PPWD1: variants seen among roughly 807,000 people sequenced by gnomAD.
The protein encoded by PPWD1 is peptidylprolyl isomerase domain and WD repeat containing 1.
Under a neutral mutation model 68.8 loss-of-function variants are expected in PPWD1, and 43 were observed. The observed-to-expected ratio is 0.62, with a 90% CI of 0.49 to 0.81. The LOEUF (loss-of-function observed/expected upper bound fraction) is 0.81, where lower values mean the gene tolerates loss of function less well. Among genes scored for constraint, PPWD1 ranks in the 30% least tolerant of loss-of-function variants. The pLI is 0.00. For missense variants in PPWD1, 672 were observed against 804.8 expected, an observed-to-expected ratio of 0.83 and a Z score of 2.00; for synonymous variants, 232 against 258.7, an observed-to-expected ratio of 0.90 and a Z score of 0.99.
At chr5:65,572,345 C>G (rs1753057039) in intron 5 of PPWD1, 59 bp downstream of exon 5, 1 of 1,434,500 alleles carries the variant, frequency 7.0e-7, no homozygotes, top group South Asian at 1.4e-5. Context: ...TATTTTATGC[C>G]TTTTCTTGAA....
chr5:65,583,205 A>T lies in PPWD1; in HGVS notation c.1518A>T (p.Lys506Asn). ...IHTSMGDIHTKLFPVECPKTV... is the reference protein window; with the variant it reads ...IHTSMGDIHTNLFPVECPKTV... Reference sequence around the variant, plus strand: ...CCAGCATGGGAGACATTCACACCAAACTTTTTCCTGTTGAGTATGTATAAC... The same window carrying T: ...CCAGCATGGGAGACATTCACACCAATCTTTTTCCTGTTGAGTATGTATAAC... The change falls in exon 8 of 11, where the codon AAA becomes AAT. Residue 506 changes from lysine to asparagine, a missense_variant. Coordinates refer to ENST00000261308, the MANE Select transcript of PPWD1 (RefSeq NM_015342.4). 2 of 1,586,970 alleles carry T rather than the reference A, an allele frequency of 1.3e-6. No homozygotes were observed. The highest frequency in any genetic ancestry group is 1.7e-6 in the Non-Finnish European group (2 of 1,168,808).
chr5:65,564,275 C>T (rs261251), intron 1 of PPWD1, among the ~76,000 whole-genome samples: 94,820 of 150,952 alleles, frequency 0.63, 30,035 homozygotes, highest in South Asian at 0.65. Context: ...ACTTTAGCAC[C>T]TTCCCTTAAA....
rs1413736065 is a variant in PPWD1, at chr5:65,569,747, T to G, written c.400+15T>G. ...TAGTCACCTGGGTAAGAATTGCACC[T>G]CATTTTCTTGTAGCTCTTTCCTAAA... On this transcript the variant is annotated intron_variant, in intron 3 of 10. Transcript: ENST00000261308. 8.1e-6 allele frequency: 13 copies of G among 1,601,822 alleles called. No homozygotes were observed. The highest frequency in any genetic ancestry group is 1.0e-5 in the Non-Finnish European group (12 of 1,174,060).
intron 1 of PPWD1, among the ~76,000 whole-genome samples, chr5:65,565,700 C>T (rs574384219): frequency 6.6e-6 from 1 of 150,516 alleles, no homozygotes; most frequent in African/African-American, 2.4e-5. Flanking sequence ...CTCAGCTATT[C>T]AGGAGGCTGA....
intron 5 of PPWD1, among the ~76,000 whole-genome samples, chr5:65,574,552 T>C (rs977664226): frequency 1.4e-5 from 2 of 147,204 alleles, no homozygotes; most frequent in Non-Finnish European, 3.0e-5. Context: ...CAAGCTCCGC[T>C]TCCCGGGTTC....
intron 9 of PPWD1, 130 bp from the exon 10 acceptor site, chr5:65,585,869 T>C: frequency 7.2e-7 from 1 of 1,392,036 alleles, no homozygotes. Flanking sequence ...GTGTTAAGGG[T>C]TTAATCAAAT....
chr5:65,572,016 A>G lies in PPWD1; in HGVS notation c.699A>G (p.Pro233=), dbSNP rs750602426. ...CTCTTACTCAGATACGGCTAAACCC[A>G]GTTTACAAAGCAGTAGTGTCTTCTG... ...TSPLTQIRLN[P]VYKAVVSSDK... The change falls in exon 5 of 11, where the codon CCA becomes CCG. Residue 233 remains proline (P), a synonymous_variant. Coordinates refer to ENST00000261308, the MANE Select transcript of PPWD1 (RefSeq NM_015342.4). The G allele has an allele frequency of 1.2e-6, 2 of 1,614,108 alleles. No individual in the cohort carries two copies. Among genetic ancestry groups the G allele is most frequent in the Admixed American group, 3.3e-5 (2 of 60,014 alleles).
At chr5:65,585,233 A>G (rs745362810) in intron 9 of PPWD1, 138 bp downstream of exon 9, 33 of 799,262 alleles carry the variant, frequency 4.1e-5, no homozygotes, top group South Asian at 5.8e-5. Flanking sequence ...ATGGAAGCCA[A>G]AGGAGGAGTG....
rs987551240 is a variant in PPWD1, at chr5:65,587,542, A to T, written c.*146A>T. ...TATTTTTTATTAAAGGCTATTTTTT[A>T]AAAATTACCTTTGACTTTTCTCGCA... On this transcript the variant is annotated 3_prime_UTR_variant, in exon 11 of 11. Coordinates refer to ENST00000261308, the MANE Select transcript of PPWD1 (RefSeq NM_015342.4). 2.9e-6 allele frequency: 2 copies of T among 682,634 alleles called. No homozygotes were observed. 42.3% of individuals were successfully genotyped at this position (682,634 alleles called of 1,614,324 possible). A position where few individuals can be genotyped will look rare whatever the true frequency, so the allele number is the denominator to read the frequency against.
chr5:65,582,023 T>C (rs1753619997), intron 7 of PPWD1, among the ~76,000 whole-genome samples: 1 of 152,176 alleles, frequency 6.6e-6, no homozygotes, highest in East Asian at 1.9e-4. Flanking sequence ...AAAATTCATA[T>C]AAACAAATAG....
intron 5 of PPWD1, chr5:65,576,478 G>A (rs532647968): frequency 5.9e-5 from 23 of 388,110 alleles, no homozygotes; most frequent in African/African-American, 4.8e-4. Context: ...CTAGGTTCAA[G>A]CGATTCTCTT....
At chr5:65,573,395 C>T (rs1424498635) in intron 5 of PPWD1, among the ~76,000 whole-genome samples, 5 of 146,320 alleles carry the variant, frequency 3.4e-5, no homozygotes, top group East Asian at 2.0e-4. Context: ...TGGGTTCAAG[C>T]GATTCTCCTG....
At chr5:65,583,315 A>C in intron 8 of PPWD1, 96 bp downstream of exon 8, 6 of 1,244,630 alleles carry the variant, frequency 4.8e-6, no homozygotes, top group Non-Finnish European at 4.3e-6. Flanking sequence ...CGTTACTTTG[A>C]CTTAAGGAAT....
At chr5:65,574,940 ATTAC>A (rs1236533096) in intron 5 of PPWD1, among the ~76,000 whole-genome samples, 1 of 152,254 alleles carries the variant, frequency 6.6e-6, no homozygotes, top group Non-Finnish European at 1.5e-5. Context: ...CATCAGTTAA[ATTAC>A]TTACAGTGCT....
chr5:65,584,333 C>A (rs983798695), intron 8 of PPWD1, among the ~76,000 whole-genome samples: 1 of 151,848 alleles, frequency 6.6e-6, no homozygotes, highest in Non-Finnish European at 1.5e-5. Flanking sequence ...GGTAATGAAC[C>A]GTATGAAATA....
In PPWD1 at chr5:65,571,394, G is replaced by C. The variant is rs1006125889; in HGVS notation, c.522-445G>C. Among the ~76,000 whole-genome samples the C allele has an allele frequency of 5.3e-5, 8 of 152,112 alleles. No individual in the cohort carries two copies. In the South Asian group the frequency reaches 1.2e-3, roughly 24 times the overall value. ...TTTTAGGACAGTGTTTTTCTTTGACGTATTGTCATAATAAAATATTTGATT... is the reference window on the plus strand; with the variant it reads ...TTTTAGGACAGTGTTTTTCTTTGACCTATTGTCATAATAAAATATTTGATT... On this transcript the variant is annotated intron_variant, in intron 4 of 10. Transcript: ENST00000261308.
chr5:65,568,946 G>T (rs763768531), intron 2 of PPWD1: 2 of 455,748 alleles, frequency 4.4e-6, no homozygotes, highest in South Asian at 3.1e-5. Context: ...GAGAATATAG[G>T]TTTTGTGGTG....
chr5:65,572,470 G>C (rs567378337), intron 5 of PPWD1, among the ~76,000 whole-genome samples, 184 bp downstream of exon 5: 2 of 151,848 alleles, frequency 1.3e-5, no homozygotes, highest in African/African-American at 2.4e-5. Context: ...CTTCTCTAGG[G>C]GTTTATGATG....
chr5:65,574,995 G>A (rs925954293), intron 5 of PPWD1, among the ~76,000 whole-genome samples: 1 of 152,192 alleles, frequency 6.6e-6, no homozygotes, highest in African/African-American at 2.4e-5. Flanking sequence ...AGGTGGTAGT[G>A]GAGGAGGGTA....
Sources: allele counts gnomAD v4.1 joint callset (sites outside exome capture counted in the v4.1 genomes callset), GRCh38; gene constraint gnomAD v4.1.1; transcripts MANE v1.5; gene names NCBI Gene and HGNC (gene_info 2026-07-23, HGNC 2026-07-21).